Variants in KCNIP1 observed in about 807,000 individuals in gnomAD.
The protein encoded by KCNIP1 is A-type potassium channel modulatory protein KCNIP1.
In KCNIP1, 18 loss-of-function variants were observed where a neutral mutation model predicts 33.0. That is an observed-to-expected ratio of 0.55 (90% CI 0.38 to 0.81). The LOEUF (loss-of-function observed/expected upper bound fraction) is 0.81, where lower values mean the gene tolerates loss of function less well. Ranked by LOEUF, KCNIP1 falls within the 30% of genes least tolerant of loss-of-function variation. The probability of loss-of-function intolerance (pLI) is 0.00; values close to 1 mark genes in which losing one functional copy is unlikely to be tolerated. For synonymous variants in KCNIP1, 93 were observed against 98.3 expected (o/e 0.95, Z 0.32); for missense variants, 238 against 271.6 (o/e 0.88, Z 0.87).
intron 1 of KCNIP1, among the ~76,000 whole-genome samples, chr5:170,624,472 G>A (rs913102413): frequency 1.3e-5 from 2 of 151,836 alleles, no homozygotes; most frequent in South Asian, 2.1e-4. Context: ...GTATTCTCTC[G>A]TTTTCCTTCC....
At chr5:170,701,948 G>A (rs753274418) in intron 1 of KCNIP1, among the ~76,000 whole-genome samples, 3 of 152,134 alleles carry the variant, frequency 2.0e-5, no homozygotes, top group South Asian at 2.1e-4. Flanking sequence ...CTATCACCTC[G>A]CCTTTCCTGA....
intron 1 of KCNIP1, among the ~76,000 whole-genome samples, chr5:170,412,473 G>GA (rs1755221266): frequency 6.6e-6 from 1 of 152,142 alleles, no homozygotes; most frequent in Non-Finnish European, 1.5e-5. Context: ...GGGGAAAGAG[G>GA]AAAAATGCTA....
Position 170,692,653 on chromosome 5 carries a change from G to T in KCNIP1, c.62-26105G>T, listed in dbSNP as rs146052724. Among the ~76,000 whole-genome samples, 16 of 152,302 alleles carry T rather than the reference G, an allele frequency of 1.1e-4. No individual in the cohort carries two copies. The East Asian group carries it at 3.1e-3, about 29-fold the overall frequency. Reference sequence around the variant, plus strand: ...TGGGGATACTAATATCACCTCCCAGGATTGTTGGGAAGGTAAATGGAGATT... The same window carrying T: ...TGGGGATACTAATATCACCTCCCAGTATTGTTGGGAAGGTAAATGGAGATT... On this transcript the variant is annotated intron_variant, in intron 1 of 7. Coordinates refer to ENST00000328939, the MANE Select transcript of KCNIP1 (RefSeq NM_014592.4).
intron 1 of KCNIP1, among the ~76,000 whole-genome samples, chr5:170,461,180 C>A (rs115853615): frequency 0.052 from 7,862 of 152,178 alleles, 556 homozygotes; most frequent in African/African-American, 0.16. Flanking sequence ...CAAATGGAAA[C>A]ACATCCAATG....
chr5:170,505,358 T>C (rs1191127306), intron 1 of KCNIP1, among the ~76,000 whole-genome samples: 2 of 152,078 alleles, frequency 1.3e-5, no homozygotes, highest in Non-Finnish European at 2.9e-5. Flanking sequence ...CCAGGTGAAG[T>C]TGGAACCAGT....
At chr5:170,479,151 C>T (rs1756921656) in intron 1 of KCNIP1, among the ~76,000 whole-genome samples, 1 of 152,180 alleles carries the variant, frequency 6.6e-6, no homozygotes, top group Admixed American at 6.5e-5. Context: ...AGGCGCTGAG[C>T]AGGTAATGGT....
At chr5:170,606,471 T>C (rs1042607428) in intron 1 of KCNIP1, among the ~76,000 whole-genome samples, 1 of 152,140 alleles carries the variant, frequency 6.6e-6, no homozygotes, top group African/African-American at 2.4e-5. Context: ...CAGGCAGAGA[T>C]CTCTCAACCA....
At chr5:170,559,444 T>C (rs1256067922) in intron 1 of KCNIP1, among the ~76,000 whole-genome samples, 1 of 152,168 alleles carries the variant, frequency 6.6e-6, no homozygotes, top group Non-Finnish European at 1.5e-5. Context: ...TCATGCCTTT[T>C]CTATCTACTA....
chr5:170,597,789 AT>A (rs1758501274), intron 1 of KCNIP1, among the ~76,000 whole-genome samples: 2 of 2,276 alleles, frequency 8.8e-4, no homozygotes, highest in African/African-American at 1.1e-3. Flanking sequence ...AGATAAATAT[AT>A]ATATATATAT....
chr5:170,473,603 A>G (rs1439504368), intron 1 of KCNIP1, among the ~76,000 whole-genome samples: 10 of 152,136 alleles, frequency 6.6e-5, no homozygotes, highest in African/African-American at 2.2e-4. Context: ...TCGGCTGAGC[A>G]CCAGGGCCCC....
intron 1 of KCNIP1, among the ~76,000 whole-genome samples, chr5:170,448,427 T>C (rs1000107995): frequency 1.4e-4 from 21 of 152,246 alleles, no homozygotes; most frequent in African/African-American, 4.8e-4. Context: ...ATTGCTGTGC[T>C]CCCTTTTCTC....
chr5:170,697,309 C>T (rs1013399876), intron 1 of KCNIP1, among the ~76,000 whole-genome samples: 2 of 152,190 alleles, frequency 1.3e-5, no homozygotes, highest in African/African-American at 2.4e-5. Flanking sequence ...GGTTAAGTCC[C>T]TCATGCACCA....
At chr5:170,540,798 A>G (rs1756173625) in intron 1 of KCNIP1, among the ~76,000 whole-genome samples, 2 of 152,194 alleles carry the variant, frequency 1.3e-5, no homozygotes, top group South Asian at 4.1e-4. Context: ...AGTAGGCCAT[A>G]GGATAGTGTG....
At chr5:170,546,849 A>C (rs1457795316) in intron 1 of KCNIP1, among the ~76,000 whole-genome samples, 1 of 152,218 alleles carries the variant, frequency 6.6e-6, no homozygotes, top group Non-Finnish European at 1.5e-5. Flanking sequence ...ATATTAATTT[A>C]GAGTTAATCA....
At chr5:170,587,602 T>C (rs748099177) in intron 1 of KCNIP1, among the ~76,000 whole-genome samples, 14 of 152,074 alleles carry the variant, frequency 9.2e-5, no homozygotes, top group Admixed American at 3.9e-4. Context: ...GCCACTCACA[T>C]TCCTTGTCTC....
At chr5:170,363,024 C>A (rs4867601) in intron 1 of KCNIP1, among the ~76,000 whole-genome samples, 1 of 152,086 alleles carries the variant, frequency 6.6e-6, no homozygotes, top group African/African-American at 2.4e-5. Flanking sequence ...TCATTTCAAA[C>A]GCAACAGGAA....
At chr5:170,562,622 G>A (rs919007807) in intron 1 of KCNIP1, among the ~76,000 whole-genome samples, 2 of 152,196 alleles carry the variant, frequency 1.3e-5, no homozygotes, top group Admixed American at 6.5e-5. Flanking sequence ...TCCAATGGGT[G>A]CCTCATTTCC....
chr5:170,709,933 T>C (rs1035384440), intron 1 of KCNIP1, among the ~76,000 whole-genome samples: 1 of 152,162 alleles, frequency 6.6e-6, no homozygotes, highest in African/African-American at 2.4e-5. Flanking sequence ...AGTAGCACAA[T>C]CTCGGCTCAC....
chr5:170,681,470 A>C (rs1384953797), intron 1 of KCNIP1: 3 of 235,188 alleles, frequency 1.3e-5, no homozygotes, highest in African/African-American at 2.2e-5. Flanking sequence ...GCTATGGGTG[A>C]GGCCAGCACA....
Sources: allele counts gnomAD v4.1 joint callset (sites outside exome capture counted in the v4.1 genomes callset), GRCh38; gene constraint gnomAD v4.1.1; transcripts MANE v1.5; gene names NCBI Gene and HGNC (gene_info 2026-07-23, HGNC 2026-07-21).